Variants in GNB4 observed in about 807,000 individuals in gnomAD.
The protein encoded by GNB4 is G protein subunit beta 4.
A neutral mutation model predicts 45.2 loss-of-function variants in GNB4; 28 were observed. The observed-to-expected ratio is 0.62, with a 90% confidence interval of 0.46 to 0.85. The LOEUF (loss-of-function observed/expected upper bound fraction) is 0.85, where lower values mean the gene tolerates loss of function less well. Ranked by LOEUF, GNB4 falls within the 40% of genes least tolerant of loss-of-function variation. GNB4 has a pLI of 0.00. For synonymous variants in GNB4, 132 were observed against 143.7 expected (o/e 0.92, Z 0.58); for missense variants, 321 against 425.4 (o/e 0.75, Z 2.16).
intron 2 of GNB4, among the ~76,000 whole-genome samples, chr3:179,422,551 C>T (rs1715022419): frequency 1.3e-5 from 2 of 151,580 alleles, no homozygotes; most frequent in Admixed American, 6.6e-5. Flanking sequence ...TGTCCAGCAC[C>T]ACAAGAAATA....
the GNB4 span, among the ~76,000 whole-genome samples, chr3:179,519,773 C>T: frequency 7.9e-5 from 12 of 152,126 alleles, no homozygotes; most frequent in Non-Finnish European, 4.4e-5. Context: ...CCTCTACTCC[C>T]TCCTCGGCAA....
intron 2 of GNB4, among the ~76,000 whole-genome samples, chr3:179,422,300 ACT>A (rs920009611): frequency 6.6e-6 from 1 of 152,044 alleles, no homozygotes; most frequent in Non-Finnish European, 1.5e-5. Flanking sequence ...TACACTGAGA[ACT>A]CTCTCTTATG....
At chr3:179,511,714 A>G in the GNB4 span, among the ~76,000 whole-genome samples, 9 of 152,194 alleles carry the variant, frequency 5.9e-5, no homozygotes, top group Middle Eastern at 3.4e-3. Context: ...AAATAGTACT[A>G]TTTTAAATGT....
intron 8 of GNB4, chr3:179,405,789 G>A (rs1366383769): frequency 3.7e-5 from 6 of 163,114 alleles, no homozygotes; most frequent in African/African-American, 1.4e-4. Flanking sequence ...TCCTTATAGG[G>A]TTATAAGGAC....
chr3:179,408,877 T>G (rs1263168201), intron 8 of GNB4, among the ~76,000 whole-genome samples: 2 of 151,390 alleles, frequency 1.3e-5, no homozygotes, highest in East Asian at 3.9e-4. Flanking sequence ...CCAGGCATGG[T>G]GGCTCACTCC....
chr3:179,402,930 CAG>C (rs1446352717), intron 9 of GNB4, among the ~76,000 whole-genome samples: 3 of 152,188 alleles, frequency 2.0e-5, no homozygotes, highest in African/African-American at 4.8e-5. Flanking sequence ...AAGGGTAAAA[CAG>C]GGTCTCCTGA....
In GNB4 at chr3:179,438,441, A is replaced by C. The variant is rs757366668; in HGVS notation, c.-42-12199T>G. Among the ~76,000 whole-genome samples the C allele has an allele frequency of 7.9e-4, 121 of 152,352 alleles. No individual in the cohort carries two copies. The Middle Eastern group carries it at 0.014, about 17-fold the overall frequency. On this transcript the variant is annotated intron_variant, in intron 1 of 9. Transcript: ENST00000232564. ...GGGATTGTTTTGGGAATTAAATAAT[A>C]CACATTTTTTAATGTCTTGGGAAAT...
At chr3:179,434,062 A>G (rs975217498) in intron 1 of GNB4, among the ~76,000 whole-genome samples, 1 of 152,226 alleles carries the variant, frequency 6.6e-6, no homozygotes, top group African/African-American at 2.4e-5. Flanking sequence ...ATTTGGCAAC[A>G]TCTAACAAAG....
At chr3:179,493,755 T>G in the GNB4 span, among the ~76,000 whole-genome samples, 768 of 152,122 alleles carry the variant, frequency 5.0e-3, 13 homozygotes, top group South Asian at 0.037. Context: ...CAGGCTGAAG[T>G]GCAAAAGAAG....
chr3:179,476,174 G>A, the GNB4 span, among the ~76,000 whole-genome samples: 3 of 152,180 alleles, frequency 2.0e-5, no homozygotes, highest in Admixed American at 6.5e-5. Flanking sequence ...TGCAATGTTG[G>A]GACAGGCATA....
chr3:179,444,289 T>G (rs1715664901), intron 1 of GNB4, among the ~76,000 whole-genome samples: 1 of 152,158 alleles, frequency 6.6e-6, no homozygotes, highest in Non-Finnish European at 1.5e-5. Flanking sequence ...AAATGAAATC[T>G]CCTGTTCATA....
chr3:179,474,467 G>T, the GNB4 span, among the ~76,000 whole-genome samples: 37 of 152,196 alleles, frequency 2.4e-4, no homozygotes, highest in South Asian at 1.0e-3. Context: ...TGAGTGATCT[G>T]CCTGCCTTGG....
At chr3:179,499,374 T>C in the GNB4 span, among the ~76,000 whole-genome samples, 1 of 152,114 alleles carries the variant, frequency 6.6e-6, no homozygotes, top group Admixed American at 6.5e-5. Context: ...TTAGCCGGGA[T>C]GGTCTCCATC....
intron 1 of GNB4, among the ~76,000 whole-genome samples, chr3:179,445,158 T>C (rs1035162496): frequency 7.2e-5 from 11 of 152,338 alleles, no homozygotes; most frequent in East Asian, 1.9e-4. Context: ...TATAGAGAAA[T>C]TGATAGAATC....
chr3:179,449,751 T>C (rs1715822571), intron 1 of GNB4, among the ~76,000 whole-genome samples: 1 of 152,134 alleles, frequency 6.6e-6, no homozygotes, highest in Admixed American at 6.5e-5. Context: ...GTCAGCAAGG[T>C]AAAGAAACTG....
intron 9 of GNB4, among the ~76,000 whole-genome samples, chr3:179,404,807 G>T (rs1020054666): frequency 6.6e-6 from 1 of 152,130 alleles, no homozygotes; most frequent in Admixed American, 6.5e-5. Context: ...GCTAAGGGAA[G>T]CGACAGGTCT....
intron 1 of GNB4, among the ~76,000 whole-genome samples, chr3:179,439,579 T>G (rs6808033): frequency 0.029 from 4,414 of 152,314 alleles, 186 homozygotes; most frequent in African/African-American, 0.091. Context: ...AATTGATAGC[T>G]TATCTTCACA....
the GNB4 span, among the ~76,000 whole-genome samples, chr3:179,484,600 TTTTTTGCA>T: frequency 6.0e-5 from 9 of 149,552 alleles, no homozygotes; most frequent in Non-Finnish European, 8.8e-5. Context: ...GCCATTTTTT[TTTTTTGCA>T]TTTTTGTGCT....
chr3:179,493,929 G>A, the GNB4 span, among the ~76,000 whole-genome samples: 3 of 152,176 alleles, frequency 2.0e-5, no homozygotes, highest in Admixed American at 2.0e-4. Flanking sequence ...TTCCCTACAA[G>A]AGGTCCAAGT....
Sources: allele counts gnomAD v4.1 joint callset (sites outside exome capture counted in the v4.1 genomes callset), GRCh38; gene constraint gnomAD v4.1.1; transcripts MANE v1.5; gene names NCBI Gene and HGNC (gene_info 2026-07-23, HGNC 2026-07-21).